Variants in STPG2 observed in about 807,000 individuals in gnomAD.
STPG2 encodes sperm tail PG-rich repeat containing 2, also known as sperm-tail PG-rich repeat-containing protein 2.
STPG2 carries 56 observed loss-of-function variants against 54.2 expected under a neutral mutation model. The ratio of observed to expected loss-of-function variants is 1.03; its 90% CI spans 0.83 to 1.29. The LOEUF (loss-of-function observed/expected upper bound fraction) is 1.29, where lower values mean the gene tolerates loss of function less well. Ranked by LOEUF, STPG2 falls within the 50% of genes most tolerant of loss-of-function variation. STPG2 has a pLI of 0.00. For missense variants in STPG2, 596 were observed against 544.9 expected (o/e 1.09, Z -0.93); for synonymous variants, 200 against 181.8 (o/e 1.10, Z -0.81).
chr4:98,020,442 G>A (rs1736140256), intron 5 of STPG2, among the ~76,000 whole-genome samples: 1 of 148,236 alleles, frequency 6.7e-6, no homozygotes, highest in Admixed American at 6.7e-5. Flanking sequence ...GAGGATTTTT[G>A]CCTCAATGTT....
chr4:97,922,892 G>T (rs541402887), intron 8 of STPG2, among the ~76,000 whole-genome samples: 3 of 151,702 alleles, frequency 2.0e-5, no homozygotes, highest in African/African-American at 7.3e-5. Flanking sequence ...TATAACATGA[G>T]TATTTCTTTC....
intron 4 of STPG2, among the ~76,000 whole-genome samples, chr4:97,491,436 T>C (rs1408283462): frequency 2.0e-5 from 3 of 151,548 alleles, no homozygotes; most frequent in Non-Finnish European, 3.0e-5. Flanking sequence ...TGCTTTGTAC[T>C]TGGTGCCAGA....
At chr4:97,479,221 G>A (rs1420993910) in intron 4 of STPG2, among the ~76,000 whole-genome samples, 1 of 151,834 alleles carries the variant, frequency 6.6e-6, no homozygotes, top group Non-Finnish European at 1.5e-5. Flanking sequence ...TAAATAAGGA[G>A]ATTGCCAATT....
At chr4:97,798,832 G>T (rs1487048446) in intron 9 of STPG2, among the ~76,000 whole-genome samples, 1 of 44,476 alleles carries the variant, frequency 2.2e-5, no homozygotes, top group Non-Finnish European at 4.4e-5. Flanking sequence ...CTCTTTGTAG[G>T]TCTCTAAGGA....
intron 10 of STPG2, among the ~76,000 whole-genome samples, chr4:97,635,528 TA>T (rs1338924186): frequency 6.6e-6 from 1 of 152,242 alleles, no homozygotes; most frequent in Non-Finnish European, 1.5e-5. Context: ...ATGCTCCAAT[TA>T]AAAGACACAG....
intron 4 of STPG2, among the ~76,000 whole-genome samples, chr4:97,538,508 A>C (rs1731597813): frequency 6.6e-6 from 1 of 152,246 alleles, no homozygotes; most frequent in African/African-American, 2.4e-5. Flanking sequence ...AATACGAAGA[A>C]ATGAACAAAG....
intron 4 of STPG2, among the ~76,000 whole-genome samples, chr4:97,445,109 A>G (rs1380305831): frequency 1.3e-5 from 2 of 152,220 alleles, no homozygotes; most frequent in Non-Finnish European, 1.5e-5. Flanking sequence ...ATTGAAAATG[A>G]TAAAAATAAT....
intron 4 of STPG2, among the ~76,000 whole-genome samples, chr4:97,478,376 TA>T: frequency 6.6e-6 from 1 of 152,288 alleles, no homozygotes; most frequent in South Asian, 2.1e-4. Context: ...TAAGACTTTT[TA>T]CTTTTTACAG....
intron 10 of STPG2, among the ~76,000 whole-genome samples, chr4:97,692,491 A>G (rs1247075992): frequency 6.6e-6 from 1 of 152,136 alleles, no homozygotes; most frequent in Non-Finnish European, 1.5e-5. Context: ...ATCTGAAAAC[A>G]ACAAAGAAAA....
Position 98,106,021 on chromosome 4 carries a change from G to A in STPG2, c.544C>T (p.Gln182Ter), listed in dbSNP as rs756691109. The A allele has an allele frequency of 1.3e-6, 2 of 1,539,420 alleles. No individual in the cohort carries two copies. The highest frequency in any genetic ancestry group is 1.1e-5 in the South Asian group (1 of 88,338). ...ATAAATGAACAATAATTTTGTTGTTGATCTCTCTTGATGTTAACATTTTCA... is the reference window on the plus strand; with the variant it reads ...ATAAATGAACAATAATTTTGTTGTTAATCTCTCTTGATGTTAACATTTTCA... ...YYENVNIKRD[Q>*]QQNYCSFIPR... Residue 182 changes from glutamine to a stop codon, truncating the protein, a stop_gained, in exon 5 of 11, where the codon CAA (glutamine) becomes TAA (stop). Coordinates refer to ENST00000295268, the MANE Select transcript of STPG2 (RefSeq NM_174952.3). LOFTEE classifies it high-confidence loss of function.
At chr4:97,524,222 A>C (rs1731236586) in intron 4 of STPG2, among the ~76,000 whole-genome samples, 1 of 151,948 alleles carries the variant, frequency 6.6e-6, no homozygotes, top group South Asian at 2.1e-4. Flanking sequence ...CCTACTGTTT[A>C]ATGTGTCCAA....
intron 9 of STPG2, among the ~76,000 whole-genome samples, chr4:97,766,443 T>C (rs1726055868): frequency 2.0e-5 from 3 of 152,028 alleles, no homozygotes; most frequent in African/African-American, 4.8e-5. Flanking sequence ...TATTCAAAAA[T>C]AAAAATACTA....
At chr4:97,523,219 A>G (rs1731216888) in intron 4 of STPG2, among the ~76,000 whole-genome samples, 1 of 151,888 alleles carries the variant, frequency 6.6e-6, no homozygotes, top group South Asian at 2.1e-4. Flanking sequence ...TGGACCGAGC[A>G]TTTAGGAGCT....
intron 7 of STPG2, 120 bp from the exon 8 acceptor site, chr4:97,944,127 T>C: frequency 1.5e-6 from 1 of 647,202 alleles, no homozygotes; most frequent in Non-Finnish European, 2.6e-6. Flanking sequence ...TAAAGACACA[T>C]ATTCATAAAC....
At chr4:97,620,194 G>T (rs1231829255) in intron 10 of STPG2, among the ~76,000 whole-genome samples, 1 of 152,094 alleles carries the variant, frequency 6.6e-6, no homozygotes, top group Admixed American at 6.6e-5. Flanking sequence ...GGTAGGTTCC[G>T]AAATAACATT....
At chr4:97,914,995 C>T (rs1391507962) in intron 8 of STPG2, among the ~76,000 whole-genome samples, 1 of 152,032 alleles carries the variant, frequency 6.6e-6, no homozygotes, top group Non-Finnish European at 1.5e-5. Flanking sequence ...AATTTCATTC[C>T]TTTTTAAGGC....
chr4:97,925,470 A>G (rs1314899831), intron 8 of STPG2, among the ~76,000 whole-genome samples: 2 of 152,244 alleles, frequency 1.3e-5, no homozygotes, highest in Non-Finnish European at 2.9e-5. Flanking sequence ...TCAGTGTGTC[A>G]GAAATCATTT....
chr4:97,969,550 C>T (rs1044974584), intron 7 of STPG2, among the ~76,000 whole-genome samples: 50 of 152,104 alleles, frequency 3.3e-4, no homozygotes, highest in African/African-American at 1.1e-3. Flanking sequence ...CTTGACCTGC[C>T]GATCCACCTG....
chr4:97,637,432 C>A (rs1305366602), intron 10 of STPG2, among the ~76,000 whole-genome samples: 1 of 152,094 alleles, frequency 6.6e-6, no homozygotes, highest in Non-Finnish European at 1.5e-5. Context: ...AAAACTGGCA[C>A]AAGACAGGGA....
Sources: gnomAD v4.1 joint callset for allele counts (sites outside exome capture counted in the v4.1 genomes callset) on GRCh38, gnomAD v4.1.1 for gene constraint, MANE v1.5 for transcripts, NCBI Gene and HGNC (gene_info 2026-07-23, HGNC 2026-07-21) for gene names.